The following ATCAY variants were observed in gnomAD, a reference collection of about 807,000 sequenced individuals.
The protein encoded by ATCAY is caytaxin.
A neutral mutation model predicts 47.7 loss-of-function variants in ATCAY; 22 were observed. The ratio of observed to expected loss-of-function variants is 0.46; its 90% confidence interval spans 0.33 to 0.66. The LOEUF (loss-of-function observed/expected upper bound fraction) is 0.66, where lower values mean the gene tolerates loss of function less well. Among genes scored for constraint, ATCAY ranks in the 30% least tolerant of loss-of-function variants. ATCAY has a pLI of 0.02. For missense variants in ATCAY, 452 were observed against 515.0 expected (o/e 0.88, Z 1.18); for synonymous variants, 216 against 207.6 (o/e 1.04, Z -0.35).
Position 3,907,535 on chromosome 19 carries a change from G to A in ATCAY, c.359-199G>A, listed in dbSNP as rs1418173240. Among the ~76,000 whole-genome samples, 2 of 152,254 alleles carry A rather than the reference G, an allele frequency of 1.3e-5. No individual in the cohort carries two copies. The highest frequency in any genetic ancestry group is 4.8e-5 in the African/African-American group (2 of 41,478). The stretch of plus-strand genomic sequence containing the variant: ...AGGGAATGTCCAGAAAGGCTTCCTG[G>A]AGGAGGCGGCATTTGAGCCAGGCCT... On this transcript the variant is annotated intron_variant, in intron 4 of 12. Coordinates refer to ENST00000450849, the MANE Select transcript of ATCAY (RefSeq NM_033064.5). This position sits in a 1 kb window ranked among gnomAD's most constrained non-coding sequence, Gnocchi z 5.1.
rs1405034345 is a variant in ATCAY, at chr19:3,910,809, G to A, written c.786G>A (p.Arg262=). Residue 262 remains arginine (R), a synonymous_variant, in exon 8 of 13, where the codon CGG becomes CGA. Transcript: ENST00000450849. ...KCYQMIDRRL[R]KNLKSLIIVH... ...CCTTTGCGGCCCCACACAGGTTGCG[G>A]AAAAACCTGAAGTCCTTGATCATCG... 1.9e-6 allele frequency: 3 copies of A among 1,614,012 alleles called. No homozygotes were observed. Among genetic ancestry groups the A allele is most frequent in the African/African-American group, 1.3e-5 (1 of 75,058 alleles).
chr19:3,882,045 G>A (rs116842509), intron 1 of ATCAY, among the ~76,000 whole-genome samples: 1,570 of 152,044 alleles, frequency 0.01, 15 homozygotes, highest in Middle Eastern at 0.034. Context: ...TCCTCATCTG[G>A]CTGAGGCTGC....
intron 2 of ATCAY, among the ~76,000 whole-genome samples, chr19:3,893,982 C>T (rs1196667039): frequency 6.6e-6 from 1 of 152,146 alleles, no homozygotes; most frequent in Non-Finnish European, 1.5e-5. Context: ...GCCTGGGCCT[C>T]TGCAGTGCCT....
intron 1 of ATCAY, among the ~76,000 whole-genome samples, chr19:3,885,120 A>T (rs544374866): frequency 1.3e-5 from 2 of 148,834 alleles, no homozygotes; most frequent in Admixed American, 6.7e-5. Flanking sequence ...AAAAAAAAAA[A>T]AAAAAAAAAA....
intron 3 of ATCAY, among the ~76,000 whole-genome samples, chr19:3,905,091 T>C (rs1380829014): frequency 6.6e-6 from 1 of 152,094 alleles, no homozygotes; most frequent in African/African-American, 2.4e-5. Flanking sequence ...ACTCCTGACC[T>C]CAGGTGATCT....
At chr19:3,883,663 T>C (rs2038622382) in intron 1 of ATCAY, among the ~76,000 whole-genome samples, 1 of 152,116 alleles carries the variant, frequency 6.6e-6, no homozygotes, top group Non-Finnish European at 1.5e-5. Context: ...AAAGTGCCTC[T>C]AGACAATGCC....
chr19:3,923,741 TGGATGG>T (rs1289991831), intron 12 of ATCAY, among the ~76,000 whole-genome samples: 1 of 132,490 alleles, frequency 7.5e-6, no homozygotes, highest in Non-Finnish European at 1.6e-5. Context: ...GGTGGGTGGA[TGGATGG>T]ATGGGTAGAT....
Position 3,893,320 on chromosome 19 carries a change from C to T in ATCAY, c.77+7476C>T, listed in dbSNP as rs574532697. 1.7e-3 allele frequency among the ~76,000 whole-genome samples: 255 copies of T among 152,214 alleles called. 1 individual carries two copies. The highest frequency in any genetic ancestry group is 3.3e-3 in the Non-Finnish European group (222 of 68,028). ...TCCCAAGTAGCTGTAGCTGGGACCA[C>T]AGGCATGTGCCACCATGCCAGGCTA... On this transcript the variant is annotated intron_variant, in intron 2 of 12. Transcript: ENST00000450849.
At chr19:3,919,185 G>A (rs950760777) in intron 11 of ATCAY, among the ~76,000 whole-genome samples, 3 of 152,060 alleles carry the variant, frequency 2.0e-5, no homozygotes, top group Admixed American at 6.6e-5. Flanking sequence ...GGCCGAGGCA[G>A]GAGATTCGCT....
intron 2 of ATCAY, among the ~76,000 whole-genome samples, chr19:3,887,768 G>A (rs971978732): frequency 2.0e-5 from 3 of 149,252 alleles, no homozygotes; most frequent in African/African-American, 2.4e-5. Flanking sequence ...TTACAGGCGT[G>A]AGCCATCGCG....
chr19:3,892,141 C>T (rs1355977363), intron 2 of ATCAY, among the ~76,000 whole-genome samples: 1 of 152,104 alleles, frequency 6.6e-6, no homozygotes, highest in African/African-American at 2.4e-5. Flanking sequence ...CCACCCGCCT[C>T]AGCTTCCCAA....
At position 3,887,707 on chromosome 19, in the gene ATCAY, C is replaced by T. The variant is rs975805120; in HGVS notation, c.77+1863C>T. 8.7e-5 allele frequency among the ~76,000 whole-genome samples: 13 copies of T among 150,184 alleles called. No homozygotes were observed. In the East Asian group the frequency reaches 1.0e-3, roughly 12 times the overall value. On this transcript the variant is annotated intron_variant, in intron 2 of 12. Coordinates refer to ENST00000450849, the MANE Select transcript of ATCAY (RefSeq NM_033064.5). Reference sequence around the variant, plus strand: ...TTCACCATGTTAGCCAGGATGGTCTCGATCGTCTGACCTCGTGATCCGCCC... The same window carrying T: ...TTCACCATGTTAGCCAGGATGGTCTTGATCGTCTGACCTCGTGATCCGCCC...
Position 3,928,073 on chromosome 19 carries a change from T to G in ATCAY, c.*3481T>G, listed in dbSNP as rs1361309681. The G allele has an allele frequency of 6.6e-6, 1 of 152,106 alleles. No homozygotes were observed. Among genetic ancestry groups the G allele is most frequent in the Non-Finnish European group, 1.5e-5 (1 of 68,026 alleles). 9.4% of individuals were successfully genotyped at this position (152,106 alleles called of 1,614,324 possible). ...ACTTTTATGTGGAATAAAGAAACTA[T>G]CACTGAGAAGGGAGGTTTGTTCCTT... On this transcript the variant is annotated 3_prime_UTR_variant, in exon 13 of 13. Coordinates refer to ENST00000450849, the MANE Select transcript of ATCAY (RefSeq NM_033064.5).
In ATCAY at chr19:3,920,973, C is replaced by T. The variant is rs73530346; in HGVS notation, c.1106+175C>T. The T allele has an allele frequency of 1.4e-3, 1,061 of 735,800 alleles. 11 individuals carry two copies. In the African/African-American group the frequency reaches 0.016, roughly 11 times the overall value. 45.6% of individuals were successfully genotyped at this position (735,800 alleles called of 1,614,324 possible). A position where few individuals can be genotyped will look rare whatever the true frequency, so the allele number is the denominator to read the frequency against. ...CATGACTTATCGGGAGTGGGGGATACGGCACCGGGAAGGCAGGGAGGTAGT... is the reference window on the plus strand; with the variant it reads ...CATGACTTATCGGGAGTGGGGGATATGGCACCGGGAAGGCAGGGAGGTAGT... On this transcript the variant is annotated intron_variant, in intron 12 of 12. Transcript: ENST00000450849.
intron 2 of ATCAY, among the ~76,000 whole-genome samples, chr19:3,896,982 G>C (rs1445789693): frequency 6.6e-6 from 1 of 151,896 alleles, no homozygotes; most frequent in African/African-American, 2.4e-5. Flanking sequence ...TTGCCATGCT[G>C]ACCAGGCTGG....
At chr19:3,905,743 T>C (rs191059010) in intron 4 of ATCAY, 88 bp downstream of exon 4, 45 of 1,241,676 alleles carry the variant, frequency 3.6e-5, no homozygotes, top group Non-Finnish European at 4.8e-5. Flanking sequence ...GCTCAGAGAG[T>C]CACAAGTGGG....
intron 12 of ATCAY, chr19:3,922,358 A>T: frequency 1.6e-6 from 1 of 621,516 alleles, no homozygotes; most frequent in Admixed American, 2.6e-5. Flanking sequence ...ATCCTGGCGG[A>T]AGCCACCTCT....
intron 10 of ATCAY, among the ~76,000 whole-genome samples, chr19:3,918,261 T>C (rs1035131923): frequency 6.6e-6 from 1 of 151,922 alleles, no homozygotes; most frequent in Non-Finnish European, 1.5e-5. Context: ...GGTGCGTGCC[T>C]GTAATCCCAG....
intron 4 of ATCAY, among the ~76,000 whole-genome samples, chr19:3,906,594 C>T (rs777055745): frequency 2.0e-5 from 3 of 152,022 alleles, no homozygotes; most frequent in Non-Finnish European, 2.9e-5. Context: ...TGAGCCACGG[C>T]GCCCAGCCTG....
Sources: allele counts gnomAD v4.1 joint callset (sites outside exome capture counted in the v4.1 genomes callset), GRCh38; gene constraint gnomAD v4.1.1; non-coding constraint Gnocchi (gnomAD v3.1); transcripts MANE v1.5; gene names NCBI Gene and HGNC (gene_info 2026-07-23, HGNC 2026-07-21).